The following RPH3A variants were observed in gnomAD, a reference collection of about 807,000 sequenced individuals.
RPH3A encodes rabphilin-3A.
Under a neutral mutation model 102.2 loss-of-function variants are expected in RPH3A, and 48 were observed. The ratio of observed to expected loss-of-function variants is 0.47; its 90% CI spans 0.37 to 0.60. The LOEUF (loss-of-function observed/expected upper bound fraction) is 0.60, where lower values mean the gene tolerates loss of function less well. Ranked by LOEUF, RPH3A falls within the 20% of genes least tolerant of loss-of-function variation. The probability of loss-of-function intolerance (pLI) is 0.00; values close to 1 mark genes in which losing one functional copy is unlikely to be tolerated. For missense variants in RPH3A, 781 were observed against 910.1 expected, an observed-to-expected ratio of 0.86 and a Z score of 1.83; for synonymous variants, 310 against 324.3, an observed-to-expected ratio of 0.96 and a Z score of 0.47.
In RPH3A at chr12:112,821,662, C is replaced by T. The variant is rs11066425; in HGVS notation, c.-18-6639C>T. Reference sequence around the variant, plus strand: ...CCACCTATTTAAAATCACACTTCCCCCCAAGTTCCCAATCATCCTTCCCTC... The same window carrying T: ...CCACCTATTTAAAATCACACTTCCCTCCAAGTTCCCAATCATCCTTCCCTC... On this transcript the variant is annotated intron_variant, in intron 2 of 21. Transcript: ENST00000389385. 2.6e-5 allele frequency among the ~76,000 whole-genome samples: 4 copies of T among 152,310 alleles called. No individual in the cohort carries two copies. In the East Asian group the frequency reaches 7.7e-4, roughly 29 times the overall value.
At chr12:112,681,273 TG>T (rs1428474803) in intron 1 of RPH3A, among the ~76,000 whole-genome samples, 1 of 152,236 alleles carries the variant, frequency 6.6e-6, no homozygotes, top group Non-Finnish European at 1.5e-5. Context: ...TCTCCAGGCC[TG>T]ACTGCCCTTT....
chr12:112,896,536 AT>A, intron 21 of RPH3A, 113 bp from the exon 22 acceptor site: 1 of 1,187,114 alleles, frequency 8.4e-7, no homozygotes, highest in Non-Finnish European at 1.2e-6. Flanking sequence ...TAGAGTATGG[AT>A]CCCAGGTTGC....
At chr12:112,691,577 A>G (rs889661412) in intron 1 of RPH3A, among the ~76,000 whole-genome samples, 6 of 152,178 alleles carry the variant, frequency 3.9e-5, no homozygotes, top group African/African-American at 1.4e-4. Context: ...TTATTTTTTA[A>G]CATCTGTAAT....
At chr12:112,651,072 C>T (rs971662913) in intron 1 of RPH3A, among the ~76,000 whole-genome samples, 1 of 151,356 alleles carries the variant, frequency 6.6e-6, no homozygotes, top group African/African-American at 2.4e-5. Context: ...TTATTAATAC[C>T]ATTCAAGGCT....
intron 5 of RPH3A, among the ~76,000 whole-genome samples, chr12:112,849,544 C>T (rs202112094): frequency 1.3e-5 from 2 of 152,054 alleles, no homozygotes; most frequent in African/African-American, 4.8e-5. Context: ...CTCTGTTCAA[C>T]CTTTTTCTTG....
At chr12:112,781,535 G>A (rs532076668) in intron 1 of RPH3A, among the ~76,000 whole-genome samples, 74 of 152,252 alleles carry the variant, frequency 4.9e-4, no homozygotes, top group Non-Finnish European at 7.9e-4. Flanking sequence ...TGAATGGGGG[G>A]CCTGAATTTC....
At chr12:112,575,616 C>T (rs1429977244) in intron 1 of RPH3A, among the ~76,000 whole-genome samples, 3 of 151,926 alleles carry the variant, frequency 2.0e-5, no homozygotes, top group Non-Finnish European at 4.4e-5. Flanking sequence ...AACAGGTGGT[C>T]GCGGGGTGGC....
intron 1 of RPH3A, among the ~76,000 whole-genome samples, chr12:112,626,586 T>C (rs1703968817): frequency 6.7e-6 from 1 of 149,074 alleles, no homozygotes; most frequent in East Asian, 2.0e-4. Flanking sequence ...TATGGAGAAA[T>C]AGGAACACTT....
At chr12:112,632,197 T>C (rs2039812284) in intron 1 of RPH3A, among the ~76,000 whole-genome samples, 1 of 152,186 alleles carries the variant, frequency 6.6e-6, no homozygotes, top group African/African-American at 2.4e-5. Context: ...TCTGCCATGA[T>C]TGTGAGGCCT....
intron 1 of RPH3A, among the ~76,000 whole-genome samples, chr12:112,734,079 A>T (rs1420291667): frequency 1.3e-5 from 2 of 152,222 alleles, no homozygotes; most frequent in Non-Finnish European, 2.9e-5. Flanking sequence ...GGGGGAAGTC[A>T]CTTGCCCAAG....
chr12:112,856,830 C>G (rs1033368588), intron 5 of RPH3A, among the ~76,000 whole-genome samples: 2 of 152,170 alleles, frequency 1.3e-5, no homozygotes, highest in Non-Finnish European at 2.9e-5. Context: ...CTCATTTTAT[C>G]TTTGCAACAA....
intron 15 of RPH3A, among the ~76,000 whole-genome samples, chr12:112,882,395 A>C (rs529674631): frequency 4.1e-4 from 63 of 152,274 alleles, no homozygotes; most frequent in African/African-American, 1.3e-3. Context: ...TGGAAATGGA[A>C]GTGTGCCTGC....
chr12:112,764,804 TGGCCTC>T (rs1271872873), intron 1 of RPH3A, among the ~76,000 whole-genome samples: 4 of 152,178 alleles, frequency 2.6e-5, no homozygotes, highest in Non-Finnish European at 4.4e-5. Flanking sequence ...CAGACAATTA[TGGCCTC>T]TTGCTGTAGC....
chr12:112,841,315 G>T (rs1484120432), intron 4 of RPH3A, among the ~76,000 whole-genome samples: 7 of 152,020 alleles, frequency 4.6e-5, no homozygotes, highest in Non-Finnish European at 8.8e-5. Context: ...GGGGCAGGGG[G>T]TCTGGAAGAG....
chr12:112,635,872 A>G (rs1199599757), intron 1 of RPH3A, among the ~76,000 whole-genome samples: 1 of 152,180 alleles, frequency 6.6e-6, no homozygotes, highest in Non-Finnish European at 1.5e-5. Flanking sequence ...AACAAGGGAA[A>G]ATATCAGGTG....
chr12:112,746,393 A>G (rs2040746218), intron 1 of RPH3A, among the ~76,000 whole-genome samples: 1 of 152,108 alleles, frequency 6.6e-6, no homozygotes, highest in Non-Finnish European at 1.5e-5. Flanking sequence ...CACCACCCAG[A>G]GTCAGGGAAG....
chr12:112,699,050 A>G (rs1288966495), intron 1 of RPH3A, among the ~76,000 whole-genome samples: 1 of 151,910 alleles, frequency 6.6e-6, no homozygotes, highest in Non-Finnish European at 1.5e-5. Context: ...CCTACCAGGT[A>G]GCTGGGACGA....
chr12:112,745,761 A>G (rs537043851), intron 1 of RPH3A, among the ~76,000 whole-genome samples: 8 of 152,240 alleles, frequency 5.3e-5, no homozygotes, highest in Admixed American at 2.0e-4. Flanking sequence ...GTGAGTGGGG[A>G]GTCTGACTGC....
chr12:112,601,159 G>C (rs1338548931), intron 1 of RPH3A, among the ~76,000 whole-genome samples: 1 of 152,218 alleles, frequency 6.6e-6, no homozygotes, highest in Non-Finnish European at 1.5e-5. Flanking sequence ...AATCGTATCA[G>C]TAGCTGTGTT....
Sources: gnomAD v4.1 joint callset for allele counts (sites outside exome capture counted in the v4.1 genomes callset) on GRCh38, gnomAD v4.1.1 for gene constraint, MANE v1.5 for transcripts, NCBI Gene and HGNC (gene_info 2026-07-23, HGNC 2026-07-21) for gene names.